The following MAST4 variants were observed in gnomAD, a reference collection of about 807,000 sequenced individuals.
MAST4 encodes microtubule associated serine/threonine kinase family member 4.
A neutral mutation model predicts 162.7 loss-of-function variants in MAST4; 89 were observed. That is an observed-to-expected ratio of 0.55 (90% CI 0.46 to 0.65). MAST4 has a LOEUF of 0.65. Ranked by LOEUF, MAST4 falls within the 30% of genes least tolerant of loss-of-function variation. The pLI, the probability that MAST4 is intolerant of heterozygous loss-of-function variation, is 0.00. For synonymous variants in MAST4, 1,479 were observed against 1,361.1 expected, an observed-to-expected ratio of 1.09 and a Z score of -1.91; for missense variants, 3,153 against 3,374.0, an observed-to-expected ratio of 0.93 and a Z score of 1.62.
At chr5:66,810,971 C>G (rs1207389440) in intron 3 of MAST4, among the ~76,000 whole-genome samples, 2 of 152,212 alleles carry the variant, frequency 1.3e-5, no homozygotes, top group East Asian at 3.8e-4. Flanking sequence ...CATCCTTTCC[C>G]TCTATTCTTC....
chr5:66,642,922 A>G (rs1745581317), intron 1 of MAST4, among the ~76,000 whole-genome samples: 1 of 152,188 alleles, frequency 6.6e-6, no homozygotes, highest in Non-Finnish European at 1.5e-5. Flanking sequence ...TATTTCTTAT[A>G]TAGCTGGAAA....
At chr5:66,678,939 G>A (rs1045101153) in intron 1 of MAST4, among the ~76,000 whole-genome samples, 3 of 152,028 alleles carry the variant, frequency 2.0e-5, no homozygotes, top group Non-Finnish European at 4.4e-5. Flanking sequence ...TTACAGGCAT[G>A]CACCACCATA....
chr5:66,815,317 G>A (rs1232001999), intron 3 of MAST4, among the ~76,000 whole-genome samples: 1 of 152,116 alleles, frequency 6.6e-6, no homozygotes, highest in Non-Finnish European at 1.5e-5. Context: ...CCTTATCTGA[G>A]GCTTGACTTT....
intron 5 of MAST4, among the ~76,000 whole-genome samples, chr5:67,082,134 A>G (rs1459829457): frequency 6.6e-6 from 1 of 151,202 alleles, no homozygotes; most frequent in Non-Finnish European, 1.5e-5. Context: ...TCTGCAAAAC[A>G]ACTACCTGTA....
chr5:66,760,077 C>CTATTTATTTATT (rs1554049949), intron 2 of MAST4, among the ~76,000 whole-genome samples: 23 of 147,262 alleles, frequency 1.6e-4, no homozygotes, highest in East Asian at 5.9e-4. Flanking sequence ...ACAATATCCC[C>CTATTTATTTATT]TATTTATTTA....
At chr5:66,788,472 G>C (rs1755220198) in intron 2 of MAST4, among the ~76,000 whole-genome samples, 198 bp from the exon 3 acceptor site, 1 of 152,146 alleles carries the variant, frequency 6.6e-6, no homozygotes, top group Non-Finnish European at 1.5e-5. Flanking sequence ...TTGGAGGTCA[G>C]GGCCAGACCC....
intron 1 of MAST4, among the ~76,000 whole-genome samples, chr5:66,601,772 A>T (rs1742568479): frequency 6.6e-6 from 1 of 152,214 alleles, no homozygotes; most frequent in Non-Finnish European, 1.5e-5. Flanking sequence ...ACTTTATTCT[A>T]GAGGCAATGG....
At chr5:67,017,305 C>G (rs188530197) in intron 4 of MAST4, among the ~76,000 whole-genome samples, 6 of 152,250 alleles carry the variant, frequency 3.9e-5, no homozygotes, top group African/African-American at 1.4e-4. Context: ...CTGCCCCTAC[C>G]TAAGGACGGA....
At chr5:66,930,572 A>T (rs1300522642) in intron 4 of MAST4, among the ~76,000 whole-genome samples, 1 of 152,214 alleles carries the variant, frequency 6.6e-6, no homozygotes, top group Non-Finnish European at 1.5e-5. Flanking sequence ...TTGGAAGTAT[A>T]TCAATGAGGA....
intron 4 of MAST4, among the ~76,000 whole-genome samples, chr5:67,024,426 A>G (rs1027318798): frequency 6.6e-6 from 1 of 151,460 alleles, no homozygotes; most frequent in African/African-American, 2.4e-5. Context: ...TCGTGCAAGC[A>G]TATATATGGA....
chr5:66,924,883 T>C (rs1018641291), intron 4 of MAST4, among the ~76,000 whole-genome samples: 1 of 152,324 alleles, frequency 6.6e-6, no homozygotes, highest in East Asian at 1.9e-4. Context: ...ATTTTTCCTT[T>C]AAGTACTTTC....
chr5:66,834,902 T>C (rs1757856397), intron 3 of MAST4, among the ~76,000 whole-genome samples: 1 of 152,194 alleles, frequency 6.6e-6, no homozygotes, highest in South Asian at 2.1e-4. Context: ...TTTAAATTGC[T>C]CTGCTCTACA....
chr5:66,838,883 T>C (rs257699), intron 3 of MAST4, among the ~76,000 whole-genome samples: 27,969 of 152,184 alleles, frequency 0.18, 2,811 homozygotes, highest in East Asian at 0.44. Context: ...GGCCTCATAG[T>C]CTAGCAATAG....
At chr5:66,763,402 A>G (rs995278722) in intron 2 of MAST4, among the ~76,000 whole-genome samples, 1 of 152,162 alleles carries the variant, frequency 6.6e-6, no homozygotes, top group Admixed American at 6.5e-5. Flanking sequence ...ACATTGGTCG[A>G]CCCAGAAATT....
Position 67,054,352 on chromosome 5 carries a change from A to G in MAST4, c.675-52A>G, listed in dbSNP as rs1581365360. 5 of 1,463,924 alleles carry G rather than the reference A, an allele frequency of 3.4e-6. No homozygotes were observed. In the Admixed American group the frequency reaches 8.3e-5, roughly 24 times the overall value. 90.7% of individuals were successfully genotyped at this position (1,463,924 alleles called of 1,614,324 possible). A position where few individuals can be genotyped will look rare whatever the true frequency, so the allele number is the denominator to read the frequency against. ...ATGTCTACCGGGAACATGGTTGAAC[A>G]TTATTGATGCTATATTCTTTTTAAA... On this transcript the variant is annotated intron_variant, in intron 4 of 28. Coordinates refer to ENST00000403625, the MANE Select transcript of MAST4 (RefSeq NM_001164664.2).
intron 4 of MAST4, among the ~76,000 whole-genome samples, chr5:67,019,788 C>T (rs1189930722): frequency 6.6e-6 from 1 of 152,074 alleles, no homozygotes; most frequent in Admixed American, 6.5e-5. Context: ...CGGGGAATTA[C>T]TTTTTTTGAA....
chr5:66,640,805 C>T (rs1458691776), intron 1 of MAST4, among the ~76,000 whole-genome samples: 2 of 152,192 alleles, frequency 1.3e-5, no homozygotes, highest in East Asian at 1.9e-4. Flanking sequence ...GAGGAACTCT[C>T]ATACTGTTTT....
chr5:67,025,162 CATAAG>C (rs1754487381), intron 4 of MAST4, among the ~76,000 whole-genome samples: 1 of 151,830 alleles, frequency 6.6e-6, no homozygotes, highest in Non-Finnish European at 1.5e-5. Flanking sequence ...AAATGCATAA[CATAAG>C]ATACGTAATA....
intron 1 of MAST4, among the ~76,000 whole-genome samples, chr5:66,688,089 A>G (rs1748806496): frequency 6.6e-6 from 1 of 152,176 alleles, no homozygotes; most frequent in African/African-American, 2.4e-5. Context: ...GGACAGTAAT[A>G]TGGAATAGCC....
Sources: allele counts gnomAD v4.1 joint callset (sites outside exome capture counted in the v4.1 genomes callset), GRCh38; gene constraint gnomAD v4.1.1; transcripts MANE v1.5; gene names NCBI Gene and HGNC (gene_info 2026-07-23, HGNC 2026-07-21).